Variants in SLC26A5 observed in about 807,000 individuals in gnomAD.
The protein encoded by SLC26A5 is solute carrier family 26 member 5, also known as prestin.
Under a neutral mutation model 81.0 loss-of-function variants are expected in SLC26A5, and 51 were observed. The ratio of observed to expected loss-of-function variants is 0.63; its 90% confidence interval spans 0.50 to 0.80. SLC26A5 has a LOEUF of 0.80. Ranked by LOEUF, SLC26A5 falls within the 30% of genes least tolerant of loss-of-function variation. The pLI is 0.00. For synonymous variants in SLC26A5, 325 were observed against 332.8 expected (o/e 0.98, Z 0.25); for missense variants, 771 against 905.8 (o/e 0.85, Z 1.91).
At chr7:103,364,178 C>T (rs1414204929) in intron 19 of SLC26A5, 3 of 1,614,140 alleles carry the variant, frequency 1.9e-6, no homozygotes, top group Non-Finnish European at 8.5e-7. Flanking sequence ...TTGAGCCTCC[C>T]AAGGGCGTGC....
intron 16 of SLC26A5, 59 bp from the exon 17 acceptor site, chr7:103,378,612 T>C (rs542232138): frequency 1.3e-5 from 19 of 1,409,658 alleles, no homozygotes; most frequent in Non-Finnish European, 1.8e-5. Flanking sequence ...CCCACCCCAA[T>C]GCCACTCCCC....
intron 2 of SLC26A5, among the ~76,000 whole-genome samples, chr7:103,424,769 G>C (rs1825599282): frequency 6.6e-6 from 1 of 152,134 alleles, no homozygotes; most frequent in Admixed American, 6.5e-5. Context: ...ATCAAGTCTA[G>C]GGATGTTTTA....
At chr7:103,352,919 T>C (rs1819803308) in exon 20 of SLC26A5, 2 of 780,976 alleles carry the variant, frequency 2.6e-6, no homozygotes, top group South Asian at 2.7e-5. Flanking sequence ...GTCATCTCTG[T>C]ATGAAAGCTG....
chr7:103,396,061 G>A (rs1823087724), intron 9 of SLC26A5, among the ~76,000 whole-genome samples: 1 of 152,220 alleles, frequency 6.6e-6, no homozygotes, highest in African/African-American at 2.4e-5. Flanking sequence ...TGGCAGGTAA[G>A]GAAATGGAGG....
At chr7:103,388,954 C>T (rs777418202) in intron 14 of SLC26A5, 54 bp downstream of exon 14, 85 of 1,355,544 alleles carry the variant, frequency 6.3e-5, no homozygotes, top group Non-Finnish European at 7.5e-5. Context: ...CACCTAAAGT[C>T]AACATTGTCA....
chr7:103,388,687 T>C (rs1822400730), intron 14 of SLC26A5: 1 of 359,340 alleles, frequency 2.8e-6, no homozygotes, highest in Non-Finnish European at 5.4e-6. Flanking sequence ...CCAAAACAAA[T>C]CACAAGAGGA....
intron 2 of SLC26A5, among the ~76,000 whole-genome samples, chr7:103,431,767 C>T (rs1276168754): frequency 1.3e-5 from 2 of 152,164 alleles, no homozygotes; most frequent in Non-Finnish European, 2.9e-5. Context: ...CATCTCTCTT[C>T]TTGACATTAA....
chr7:103,391,263 C>T (rs1480823587), intron 11 of SLC26A5, among the ~76,000 whole-genome samples: 2 of 152,256 alleles, frequency 1.3e-5, no homozygotes, highest in African/African-American at 4.8e-5. Context: ...CCATATTGGA[C>T]AGTGCAGATA....
downstream of SLC26A5, among the ~76,000 whole-genome samples, chr7:103,370,134 A>G (rs1350405085): frequency 2.0e-5 from 3 of 152,128 alleles, no homozygotes; most frequent in African/African-American, 4.8e-5. Flanking sequence ...ATAGTTCTCA[A>G]ACTTTTATGA....
intron 9 of SLC26A5, among the ~76,000 whole-genome samples, chr7:103,396,475 A>T (rs1401249457): frequency 6.6e-6 from 1 of 152,252 alleles, no homozygotes; most frequent in East Asian, 1.9e-4. Context: ...TATATCCACA[A>T]TGGAATATTA....
At chr7:103,410,571 G>T (rs757068367) in intron 6 of SLC26A5, 22 bp from the exon 7 acceptor site, 22 of 1,585,354 alleles carry the variant, frequency 1.4e-5, no homozygotes, top group Non-Finnish European at 1.9e-5. Context: ...TAATGACAAA[G>T]AAACAAATGA....
intron 14 of SLC26A5, among the ~76,000 whole-genome samples, chr7:103,383,962 C>T (rs566083817): frequency 1.3e-5 from 2 of 151,500 alleles, no homozygotes; most frequent in African/African-American, 4.8e-5. Context: ...AGCATGATGG[C>T]GAGACCCCAT....
chr7:103,355,764 C>T, intron 19 of SLC26A5: 1 of 1,613,942 alleles, frequency 6.2e-7, no homozygotes, highest in Non-Finnish European at 8.5e-7. Flanking sequence ...AGCAGACACT[C>T]CAGAGTGAAC....
chr7:103,410,673 C>G (rs915072393), intron 6 of SLC26A5, 124 bp from the exon 7 acceptor site: 99 of 899,060 alleles, frequency 1.1e-4, no homozygotes, highest in Non-Finnish European at 1.5e-4. Context: ...GAGTCTTGCT[C>G]TGTCACCCAG....
chr7:103,391,701 C>A lies in SLC26A5; in HGVS notation c.1154G>T (p.Gly385Val). ...LIALGLCNSI[G>V]SLFQTFSISC... is the part of the protein sequence containing the mutation. ...AATTGAAAAGGTCTGGAAGAGTGAG[C>A]CAATGGAATTGCACAGTCCCAGGGC... The change falls in exon 11 of 20, where the codon GGC becomes GTC. Residue 385 changes from glycine (G) to valine (V), a missense_variant. Physicochemically the swap from Gly to Val is moderately radical, Grantham distance 109 (BLOSUM62 -3). Coordinates refer to ENST00000306312, the MANE Select transcript of SLC26A5 (RefSeq NM_198999.3). 1.2e-6 allele frequency: 2 copies of A among 1,614,050 alleles called. No homozygotes were observed. The highest frequency in any genetic ancestry group is 1.7e-6 in the Non-Finnish European group (2 of 1,180,000).
rs1824468437 is a variant in SLC26A5, at chr7:103,411,337, T to C, written c.570+83A>G. ...TTTCTGGCTGACCCCATCCACCGTG[T>C]AGTAAGACCAGCCAAGAGCACTCAG... On this transcript the variant is annotated intron_variant, in intron 6 of 19. Coordinates refer to ENST00000306312, the MANE Select transcript of SLC26A5 (RefSeq NM_198999.3). The C allele has an allele frequency of 2.0e-6, 3 of 1,538,438 alleles. No homozygotes were observed. In the Middle Eastern group the frequency reaches 5.1e-4, roughly 263 times the overall value.
chr7:103,440,966 G>A (rs1448829821), intron 2 of SLC26A5, among the ~76,000 whole-genome samples: 5 of 152,206 alleles, frequency 3.3e-5, no homozygotes, highest in African/African-American at 1.2e-4. Flanking sequence ...AGACAGCACT[G>A]CATGCACTGT....
intron 2 of SLC26A5, among the ~76,000 whole-genome samples, chr7:103,435,840 T>C (rs1265775899): frequency 2.0e-5 from 3 of 152,208 alleles, no homozygotes; most frequent in African/African-American, 7.2e-5. Flanking sequence ...TCTTCAGAGT[T>C]CTTCCCCCTT....
At chr7:103,416,478 C>G (rs912212339) in intron 4 of SLC26A5, among the ~76,000 whole-genome samples, 1 of 152,240 alleles carries the variant, frequency 6.6e-6, no homozygotes, top group African/African-American at 2.4e-5. Context: ...TTCTTGACAT[C>G]TCTTGGTATT....
Sources: allele counts gnomAD v4.1 joint callset (sites outside exome capture counted in the v4.1 genomes callset), GRCh38; gene constraint gnomAD v4.1.1; transcripts MANE v1.5; gene names NCBI Gene and HGNC (gene_info 2026-07-23, HGNC 2026-07-21).